Variants in MYH16 observed in about 807,000 individuals in gnomAD.
The protein encoded by MYH16 is putative uncharacterized protein MYH16.
In MYH16 at chr7:99,283,547, G is replaced by T. The variant is rs1342919050; in HGVS notation, n.2993-18G>T. The T allele has an allele frequency of 2.2e-6, 1 of 455,632 alleles. No individual in the cohort carries two copies. Among genetic ancestry groups the T allele is most frequent in the South Asian group, 1.5e-5 (1 of 64,518 alleles). 28.2% of individuals were successfully genotyped at this position (455,632 alleles called of 1,614,324 possible). On this transcript the variant is annotated intron_variant and non_coding_transcript_variant, in intron 23 of 41. Transcript: ENST00000439784. ...CCACTGGGCCTCGTGGCACTCACGT[G>T]TGTATCTGTCCTTCCAGAAAACCCT...
chr7:99,286,130 T>C (rs1193636402), intron 27 of MYH16, among the ~76,000 whole-genome samples: 1 of 152,304 alleles, frequency 6.6e-6, no homozygotes, highest in South Asian at 2.1e-4. Flanking sequence ...TATCATTAAA[T>C]CTCATCCCAT....
intron 7 of MYH16, chr7:99,253,313 C>G (rs561324595): frequency 6.6e-6 from 1 of 150,574 alleles, no homozygotes; most frequent in East Asian, 2.0e-4. Flanking sequence ...CTCCATTGCA[C>G]TCCAGCCTGG....
At chr7:99,293,778 G>A (rs1175446102) in intron 32 of MYH16, among the ~76,000 whole-genome samples, 2 of 152,180 alleles carry the variant, frequency 1.3e-5, no homozygotes, top group African/African-American at 2.4e-5. Flanking sequence ...TTTATTCACT[G>A]CTGCATCCCT....
chr7:99,249,049 CAT>C (rs1791775814), intron 4 of MYH16: 1 of 152,636 alleles, frequency 6.6e-6, no homozygotes, highest in South Asian at 2.1e-4. Flanking sequence ...TGTCTATACA[CAT>C]ATAATTAGAC....
intron 30 of MYH16, chr7:99,291,002 C>G (rs566293689): frequency 6.3e-6 from 1 of 159,556 alleles, no homozygotes; most frequent in Admixed American, 6.3e-5. Context: ...ATACATTTTA[C>G]AAAGGAAATA....
At chr7:99,243,291 AG>A (rs1384779766) in exon 2 of MYH16, 2 of 153,038 alleles carry the variant, frequency 1.3e-5, no homozygotes, top group African/African-American at 4.8e-5. Flanking sequence ...CTCACTGTGA[AG>A]AAGGATGATA....
rs1791990935 is a variant in MYH16 at position 99,266,715 on chromosome 7, C to CCT, written n.2146-137_2146-136dup. The CCT allele has an allele frequency of 2.0e-5, 3 of 152,550 alleles. 1 individual carries two copies. The South Asian group carries it at 6.2e-4, about 32-fold the overall frequency. 9.4% of individuals were successfully genotyped at this position (152,550 alleles called of 1,614,324 possible). ...GCCTCCTATTGATCTCATCTCTCTG[C>CCT]CTCCCAGGGGCATCTGTCAAACAAG... On this transcript the variant is annotated intron_variant and non_coding_transcript_variant, in intron 17 of 41. Coordinates refer to ENST00000439784, the Ensembl canonical transcript of MYH16.
intron 41 of MYH16, 78 bp from the exon 23 acceptor site, chr7:99,306,531 A>T (rs904849555): frequency 6.6e-6 from 1 of 152,486 alleles, no homozygotes; most frequent in African/African-American, 2.4e-5. Flanking sequence ...TCTCTCAAAA[A>T]AAAAATTTTT....
At chr7:99,282,155 T>A (rs909263849) in intron 23 of MYH16, among the ~76,000 whole-genome samples, 1 of 151,846 alleles carries the variant, frequency 6.6e-6, no homozygotes, top group Non-Finnish European at 1.5e-5. Flanking sequence ...CCCAAGTAGC[T>A]GGGATTACAG....
intron 29 of MYH16, among the ~76,000 whole-genome samples, chr7:99,288,847 G>T (rs1176759897): frequency 2.0e-5 from 3 of 151,912 alleles, no homozygotes; most frequent in African/African-American, 7.3e-5. Context: ...AGGCACAGTG[G>T]CTAACGCCTG....
At chr7:99,243,222 CA>C (rs1791687556) in intron 1 of MYH16, 1 of 152,812 alleles carries the variant, frequency 6.5e-6, no homozygotes, top group South Asian at 2.1e-4. Flanking sequence ...TGACCTGGGC[CA>C]GATGCCCCAT....
intron 23 of MYH16, among the ~76,000 whole-genome samples, chr7:99,282,706 T>C (rs911955841): frequency 6.6e-6 from 1 of 151,260 alleles, no homozygotes; most frequent in Middle Eastern, 3.2e-3. Flanking sequence ...TTCTAAAAAC[T>C]AGAAAAAAAA....
intron 2 of MYH16, among the ~76,000 whole-genome samples, chr7:99,244,079 A>G (rs569365286): frequency 6.6e-6 from 1 of 151,832 alleles, no homozygotes; most frequent in East Asian, 2.0e-4. Context: ...ACATCTATCC[A>G]TCAGTCCAAA....
At chr7:99,304,913 C>T (rs1333023987) in intron 40 of MYH16, among the ~76,000 whole-genome samples, 157 bp downstream of exon 21, 1 of 152,144 alleles carries the variant, frequency 6.6e-6, no homozygotes, top group African/African-American at 2.4e-5. Flanking sequence ...GGACCAGGTG[C>T]AGTGGCTCAC....
exon 8 of MYH16, chr7:99,253,762 G>T: frequency 5.1e-6 from 1 of 195,206 alleles, no homozygotes; most frequent in Non-Finnish European, 1.1e-5. Flanking sequence ...CTCACAGCAA[G>T]CAGCCGAGAG....
intron 39 of MYH16, 89 bp from the exon 21 acceptor site, chr7:99,304,497 C>T (rs924100141): frequency 6.6e-6 from 1 of 152,316 alleles, no homozygotes; most frequent in Non-Finnish European, 1.5e-5. Context: ...TCCTAGAGAC[C>T]GGGAGACAAG....
In MYH16 at chr7:99,302,132, C is replaced by T. The variant is rs191611204; in HGVS notation, n.5137+328C>T. On this transcript the variant is annotated intron_variant and non_coding_transcript_variant, in intron 38 of 41. Transcript: ENST00000439784. ...CAGCTTGGCCAACATGATGAAACCC[C>T]GTCTCTACTAAAAATACAAAAATTG... 2.7e-3 allele frequency among the ~76,000 whole-genome samples: 416 copies of T among 151,856 alleles called. 3 individuals are homozygous for T. The highest frequency in any genetic ancestry group is 7.9e-3 in the African/African-American group (327 of 41,362).
intron 9 of MYH16, among the ~76,000 whole-genome samples, chr7:99,256,598 A>G (rs1360616320): frequency 6.6e-6 from 1 of 152,118 alleles, no homozygotes; most frequent in Non-Finnish European, 1.5e-5. Context: ...ACATGGTGAA[A>G]CCCCGTCTGT....
intron 1 of MYH16, among the ~76,000 whole-genome samples, chr7:99,240,160 G>T (rs1211301847): frequency 6.6e-6 from 1 of 152,128 alleles, no homozygotes; most frequent in African/African-American, 2.4e-5. Context: ...GCAATCTTAT[G>T]TGGTAGGATT....
Sources: gnomAD v4.1 joint callset for allele counts (sites outside exome capture counted in the v4.1 genomes callset) on GRCh38, gnomAD v4.1.1 for gene constraint, MANE v1.5 for transcripts, NCBI Gene and HGNC (gene_info 2026-07-23, HGNC 2026-07-21) for gene names.